IQCJ: variants seen among roughly 807,000 people sequenced by gnomAD.
IQCJ encodes the protein IQ motif containing J.
A neutral mutation model predicts 11.0 loss-of-function variants in IQCJ; 9 were observed. The observed-to-expected ratio is 0.82, with a 90% confidence interval of 0.49 to 1.43. The LOEUF (loss-of-function observed/expected upper bound fraction) is 1.43. Ranked by LOEUF, IQCJ falls within the 40% of genes most tolerant of loss-of-function variation. The pLI is 0.00. For missense variants in IQCJ, 146 were observed against 133.2 expected (o/e 1.10, Z -0.47); for synonymous variants, 55 against 51.3 (o/e 1.07, Z -0.31).
intron 1 of IQCJ, among the ~76,000 whole-genome samples, chr3:159,238,982 A>T (rs1473930012): frequency 2.0e-5 from 3 of 152,208 alleles, no homozygotes; most frequent in Admixed American, 1.3e-4. Context: ...TAAGAAAATG[A>T]TATTGCCAGA....
intron 1 of IQCJ, among the ~76,000 whole-genome samples, chr3:159,125,682 T>C (rs1719640598): frequency 6.6e-6 from 1 of 152,236 alleles, no homozygotes; most frequent in Non-Finnish European, 1.5e-5. Flanking sequence ...CACTGCCCTG[T>C]CATCTGACCA....
chr3:159,071,809 T>C (rs368046206), intron 1 of IQCJ, among the ~76,000 whole-genome samples: 239 of 152,214 alleles, frequency 1.6e-3, no homozygotes, highest in African/African-American at 5.6e-3. Flanking sequence ...GCCTTTATTT[T>C]ATGAAACAAA....
At chr3:159,166,036 T>G (rs1022097963) in intron 1 of IQCJ, among the ~76,000 whole-genome samples, 2 of 152,070 alleles carry the variant, frequency 1.3e-5, no homozygotes, top group African/African-American at 4.8e-5. Flanking sequence ...TTCCTACTTT[T>G]CTGATTTTCA....
intron 1 of IQCJ, among the ~76,000 whole-genome samples, chr3:159,087,571 T>A (rs1716881733): frequency 6.6e-6 from 1 of 151,258 alleles, no homozygotes; most frequent in African/African-American, 2.4e-5. Context: ...GTTGGTAAGC[T>A]ATTGATTATT....
At chr3:159,144,363 T>C (rs993146967) in intron 1 of IQCJ, among the ~76,000 whole-genome samples, 9 of 152,208 alleles carry the variant, frequency 5.9e-5, no homozygotes, top group African/African-American at 2.2e-4. Flanking sequence ...TTGTGTGTGT[T>C]CAAGCACAGA....
chr3:159,092,309 G>T (rs1471487153), intron 1 of IQCJ, among the ~76,000 whole-genome samples: 1 of 151,916 alleles, frequency 6.6e-6, no homozygotes, highest in Non-Finnish European at 1.5e-5. Flanking sequence ...GACTGTTATA[G>T]CTATGGACAG....
At chr3:159,110,471 G>A (rs1718555250) in intron 1 of IQCJ, among the ~76,000 whole-genome samples, 1 of 152,072 alleles carries the variant, frequency 6.6e-6, no homozygotes, top group Non-Finnish European at 1.5e-5. Flanking sequence ...TTTAAATAAT[G>A]TCATTTCCTA....
intron 1 of IQCJ, among the ~76,000 whole-genome samples, chr3:159,203,640 G>T (rs1461530042): frequency 6.6e-6 from 1 of 152,056 alleles, no homozygotes; most frequent in Non-Finnish European, 1.5e-5. Context: ...GGAGGAGGTG[G>T]GTGCTGTATC....
At chr3:159,077,810 A>T (rs1233486086) in intron 1 of IQCJ, among the ~76,000 whole-genome samples, 1 of 152,130 alleles carries the variant, frequency 6.6e-6, no homozygotes, top group African/African-American at 2.4e-5. Flanking sequence ...CAACTTAAAA[A>T]AAGTTATTTT....
rs184974947 is a variant in IQCJ at position 159,119,658 on chromosome 3, G to C, written c.9+50217G>C. ...GATATATCAACTGTAAGGATCTTCA[G>C]AATGTTGTCAACATTGTTTTGCTCC... On this transcript the variant is annotated intron_variant, in intron 1 of 3. Coordinates refer to ENST00000397832, the MANE Select transcript of IQCJ (RefSeq NM_001042706.3). 1.6e-4 allele frequency among the ~76,000 whole-genome samples: 25 copies of C among 152,322 alleles called. No individual in the cohort carries two copies. The East Asian group carries it at 1.7e-3, about 11-fold the overall frequency.
intron 1 of IQCJ, among the ~76,000 whole-genome samples, chr3:159,196,797 G>A (rs1041369985): frequency 1.3e-5 from 2 of 152,160 alleles, no homozygotes; most frequent in Non-Finnish European, 2.9e-5. Flanking sequence ...CAATGTCACA[G>A]AGCTAGGAAC....
At chr3:159,105,382 C>T (rs908749057) in intron 1 of IQCJ, among the ~76,000 whole-genome samples, 8 of 152,062 alleles carry the variant, frequency 5.3e-5, no homozygotes, top group African/African-American at 1.2e-4. Flanking sequence ...TGTAGGCTGA[C>T]GGGGAAGATA....
intron 1 of IQCJ, among the ~76,000 whole-genome samples, chr3:159,183,771 C>T (rs1218604604): frequency 6.6e-6 from 1 of 152,190 alleles, no homozygotes; most frequent in African/African-American, 2.4e-5. Context: ...CATTACACTA[C>T]TATCCATTGA....
chr3:159,243,157 G>C (rs1024857552), intron 1 of IQCJ, among the ~76,000 whole-genome samples: 2 of 152,114 alleles, frequency 1.3e-5, no homozygotes, highest in African/African-American at 4.8e-5. Flanking sequence ...ATATAAAATA[G>C]CACAACCACT....
intron 1 of IQCJ, among the ~76,000 whole-genome samples, chr3:159,112,670 G>A (rs188834449): frequency 3.3e-5 from 5 of 152,152 alleles, no homozygotes; most frequent in African/African-American, 7.2e-5. Context: ...CCGTAGCCTC[G>A]CACACCGTTT....
intron 1 of IQCJ, among the ~76,000 whole-genome samples, chr3:159,178,303 C>T (rs1222358409): frequency 1.3e-5 from 2 of 152,234 alleles, no homozygotes; most frequent in East Asian, 3.9e-4. Context: ...ATATATTGCA[C>T]ATCTTGGTGT....
chr3:159,152,574 C>T (rs1721295201), intron 1 of IQCJ, among the ~76,000 whole-genome samples: 1 of 152,178 alleles, frequency 6.6e-6, no homozygotes, highest in South Asian at 2.1e-4. Flanking sequence ...TTACTTTTGT[C>T]ACCTGGAACA....
At chr3:159,148,946 A>G (rs916630514) in intron 1 of IQCJ, among the ~76,000 whole-genome samples, 1 of 152,200 alleles carries the variant, frequency 6.6e-6, no homozygotes, top group African/African-American at 2.4e-5. Flanking sequence ...CATAACATCA[A>G]CAGTATGATC....
At chr3:159,101,813 G>A (rs1577007895) in intron 1 of IQCJ, among the ~76,000 whole-genome samples, 1 of 152,122 alleles carries the variant, frequency 6.6e-6, no homozygotes, top group East Asian at 1.9e-4. Flanking sequence ...AGTTAACATG[G>A]TTTTTCTTAA....
Sources: gnomAD v4.1 joint callset for allele counts (sites outside exome capture counted in the v4.1 genomes callset) on GRCh38, gnomAD v4.1.1 for gene constraint, MANE v1.5 for transcripts, NCBI Gene and HGNC (gene_info 2026-07-23, HGNC 2026-07-21) for gene names.